The following TACC1 variants were observed in gnomAD, a reference collection of about 807,000 sequenced individuals.
TACC1 encodes the protein transforming acidic coiled-coil containing protein 1.
TACC1 carries 48 observed loss-of-function variants against 84.4 expected under a neutral mutation model. The ratio of observed to expected loss-of-function variants is 0.57; its 90% CI spans 0.45 to 0.72. TACC1 has a LOEUF of 0.72. Among genes scored for constraint, TACC1 ranks in the 30% least tolerant of loss-of-function variants. The probability of loss-of-function intolerance (pLI) is 0.00; values close to 1 mark genes in which losing one functional copy is unlikely to be tolerated. For missense variants in TACC1, 920 were observed against 973.0 expected (o/e 0.95, Z 0.72); for synonymous variants, 372 against 376.3 (o/e 0.99, Z 0.13).
chr8:38,813,057 T>G (rs1320469145), intron 2 of TACC1, among the ~76,000 whole-genome samples: 1 of 152,236 alleles, frequency 6.6e-6, no homozygotes, highest in Non-Finnish European at 1.5e-5. Context: ...CTCTTAATAG[T>G]TGTGCATATG....
intron 3 of TACC1, among the ~76,000 whole-genome samples, chr8:38,747,199 A>C (rs1161742946): frequency 6.6e-6 from 1 of 152,248 alleles, no homozygotes; most frequent in Admixed American, 6.5e-5. Context: ...AATGCTAACA[A>C]CACCAAATGC....
intron 2 of TACC1, among the ~76,000 whole-genome samples, chr8:38,807,042 A>G (rs1056473443): frequency 1.3e-5 from 2 of 152,192 alleles, no homozygotes; most frequent in Non-Finnish European, 2.9e-5. Context: ...GTTATAAAGG[A>G]TACAACTCAG....
At chr8:38,786,965 G>C (rs2151975262), upstream of TACC1, among the ~76,000 whole-genome samples, 1 of 152,094 alleles carries the variant, frequency 6.6e-6, no homozygotes, top group Admixed American at 6.5e-5. Context: ...GCGTGCCCCG[G>C]CTCAGAAAAC....
chr8:38,845,023 C>T (rs1175088417), intron 11 of TACC1: 1 of 152,220 alleles, frequency 6.6e-6, no homozygotes, highest in Admixed American at 6.5e-5. Flanking sequence ...CTCCTGGGTT[C>T]AAGTGACTCT....
chr8:38,761,158 T>A (rs181250906), intron 3 of TACC1, among the ~76,000 whole-genome samples: 1 of 152,350 alleles, frequency 6.6e-6, no homozygotes, highest in East Asian at 1.9e-4. Flanking sequence ...ATGAAATGTT[T>A]GAAATCACTC....
chr8:38,843,815 C>T (rs1011134221), intron 11 of TACC1, among the ~76,000 whole-genome samples: 11 of 152,076 alleles, frequency 7.2e-5, no homozygotes, highest in African/African-American at 2.7e-4. Flanking sequence ...TTAACAATCC[C>T]CTCCTGTTAG....
upstream of TACC1, among the ~76,000 whole-genome samples, chr8:38,784,169 A>C (rs949603141): frequency 6.6e-6 from 1 of 152,208 alleles, no homozygotes; most frequent in African/African-American, 2.4e-5. Flanking sequence ...GACTGAGAGG[A>C]GTGGTCCAGC....
intron 1 of TACC1, chr8:38,788,085 A>G: frequency 3.8e-6 from 1 of 263,398 alleles, no homozygotes. Flanking sequence ...AGTGCAACTT[A>G]GGGCCCCCCC....
In TACC1 at chr8:38,787,533, C is replaced by T. The variant is rs1817542519; in HGVS notation, c.-50C>T. On this transcript the variant is annotated 5_prime_UTR_variant, in exon 1 of 13. Coordinates refer to ENST00000317827, the MANE Select transcript of TACC1 (RefSeq NM_006283.3). The stretch of plus-strand genomic sequence containing the variant: ...CCATTTTGAAAGGGAAAAAGGCTCT[C>T]CCCACCCATTCCCCTGCCCCTAGGA... 4.0e-6 allele frequency: 6 copies of T among 1,481,844 alleles called. No homozygotes were observed. Among genetic ancestry groups the T allele is most frequent in the Non-Finnish European group, 5.4e-6 (6 of 1,120,954 alleles). The allele number at this position is 1,481,844 out of a possible 1,614,324, so 91.8% of individuals were successfully genotyped here. A position where few individuals can be genotyped will look rare whatever the true frequency, so the allele number is the denominator to read the frequency against.
intron 2 of TACC1, among the ~76,000 whole-genome samples, chr8:38,811,941 A>C (rs927721054): frequency 6.6e-6 from 1 of 152,122 alleles, no homozygotes; most frequent in African/African-American, 2.4e-5. Flanking sequence ...AATATTAATA[A>C]TTAATACCCT....
rs746248281 is a variant in TACC1, at chr8:38,848,135, TAAAAA to T, written c.*115_*119del. 3.3e-5 allele frequency: 34 copies of T among 1,040,844 alleles called. No individual in the cohort carries two copies. The highest frequency in any genetic ancestry group is 4.6e-5 in the Non-Finnish European group (33 of 715,402). The allele number at this position is 1,040,844 out of a possible 1,614,324, so 64.5% of individuals were successfully genotyped here. On this transcript the variant is annotated 3_prime_UTR_variant, in exon 13 of 13. Coordinates refer to ENST00000317827, the MANE Select transcript of TACC1 (RefSeq NM_006283.3). ...CCCTTTGCAGAGAAAAAAAAAAACT[TAAAAA>T]AAGCACATGCCTACTGCTGCCTGTC... is the stretch of plus-strand genomic sequence containing the variant.
chr8:38,772,202 G>A (rs1443228002), intron 3 of TACC1, among the ~76,000 whole-genome samples: 1 of 152,198 alleles, frequency 6.6e-6, no homozygotes, highest in African/African-American at 2.4e-5. Context: ...AAGATTGACC[G>A]AACTCAGTAT....
At chr8:38,786,525 G>A (rs1307122419), upstream of TACC1, among the ~76,000 whole-genome samples, 1 of 152,144 alleles carries the variant, frequency 6.6e-6, no homozygotes, top group Non-Finnish European at 1.5e-5. Flanking sequence ...AACATATCGA[G>A]ACGCCTGTCT....
rs113362909 is a variant in TACC1 at position 38,787,985 on chromosome 8, C to G, written c.161+242C>G. Reference sequence around the variant, plus strand: ...ACCCAACCCAGAATCTGCAGTCTCTCCGCATCCCCGCTGGCCTCGGTCACT... The same window carrying G: ...ACCCAACCCAGAATCTGCAGTCTCTGCGCATCCCCGCTGGCCTCGGTCACT... On this transcript the variant is annotated intron_variant, in intron 1 of 12. Coordinates refer to ENST00000317827, the MANE Select transcript of TACC1 (RefSeq NM_006283.3). 1,595 of 507,450 alleles carry G rather than the reference C, an allele frequency of 3.1e-3. 24 individuals are homozygous for G. The highest frequency in any genetic ancestry group is 0.03 in the African/African-American group (1,483 of 49,186). The allele number at this position is 507,450 out of a possible 1,614,324, so 31.4% of individuals were successfully genotyped here.
chr8:38,730,292 C>G (rs546025600), intron 1 of TACC1, among the ~76,000 whole-genome samples: 4 of 152,248 alleles, frequency 2.6e-5, no homozygotes, highest in Non-Finnish European at 4.4e-5. Context: ...CCATCTCAGG[C>G]ACCTGACCTC....
chr8:38,788,535 A>T, intron 1 of TACC1, 169 bp from the exon 2 acceptor site: 1 of 553,366 alleles, frequency 1.8e-6, no homozygotes, highest in Non-Finnish European at 3.3e-6. Context: ...CAAGGAGGGC[A>T]CTGCTCAGAG....
intron 6 of TACC1, among the ~76,000 whole-genome samples, chr8:38,833,428 G>A (rs1829642992): frequency 6.6e-6 from 1 of 152,188 alleles, no homozygotes. Flanking sequence ...GCTAAAGTAG[G>A]CAAGGGCATA....
chr8:38,816,488 G>A (rs1011356611), intron 2 of TACC1, among the ~76,000 whole-genome samples: 5 of 152,130 alleles, frequency 3.3e-5, no homozygotes, highest in South Asian at 4.1e-4. Context: ...CGAGACTGCC[G>A]CCACTTCAGA....
intron 2 of TACC1, among the ~76,000 whole-genome samples, chr8:38,791,150 G>A (rs1277524420): frequency 1.3e-5 from 2 of 152,006 alleles, no homozygotes; most frequent in Non-Finnish European, 2.9e-5. Context: ...GATTCATCCC[G>A]CCAGATTCTT....
Sources: allele counts gnomAD v4.1 joint callset (sites outside exome capture counted in the v4.1 genomes callset), GRCh38; gene constraint gnomAD v4.1.1; transcripts MANE v1.5; gene names NCBI Gene and HGNC (gene_info 2026-07-23, HGNC 2026-07-21).